The following FBN2 variants were observed in gnomAD, a reference collection of about 807,000 sequenced individuals.
FBN2 encodes fibrillin 2.
Under a neutral mutation model 355.6 loss-of-function variants are expected in FBN2, and 105 were observed. The ratio of observed to expected loss-of-function variants is 0.30; its 90% CI spans 0.25 to 0.35. The LOEUF (loss-of-function observed/expected upper bound fraction) is 0.35. Among genes scored for constraint, FBN2 ranks in the 10% least tolerant of loss-of-function variants. The pLI is 1.00. For synonymous variants in FBN2, 1,350 were observed against 1,301.2 expected (o/e 1.04, Z -0.81); for missense variants, 3,280 against 3,758.7 (o/e 0.87, Z 3.33).
intron 21 of FBN2, 132 bp from the exon 22 acceptor site, chr5:128,350,137 A>T: frequency 1.3e-6 from 1 of 751,836 alleles, no homozygotes; most frequent in African/African-American, 1.7e-5. Context: ...GGGTCCAAGG[A>T]CATCATTGTC....
intron 5 of FBN2, among the ~76,000 whole-genome samples, chr5:128,479,790 G>A (rs1201897972): frequency 1.3e-5 from 2 of 151,374 alleles, no homozygotes; most frequent in Non-Finnish European, 2.9e-5. Context: ...AACTGGGCAT[G>A]GTAGAATGTG....
At chr5:128,354,021 T>G (rs1473768170) in intron 20 of FBN2, among the ~76,000 whole-genome samples, 1 of 152,088 alleles carries the variant, frequency 6.6e-6, no homozygotes, top group Non-Finnish European at 1.5e-5. Flanking sequence ...CACTGTTGTG[T>G]GTGTATGCCC....
rs1765234993 is a variant in FBN2 at position 128,270,334 on chromosome 5, C to T, written c.7960+1665G>A. Among the ~76,000 whole-genome samples, 4 of 151,974 alleles carry T rather than the reference C, an allele frequency of 2.6e-5. No individual in the cohort carries two copies. The South Asian group carries it at 6.2e-4, about 24-fold the overall frequency. ...CTGAGGTCAGGAGTTCAAGACCAGC[C>T]TTGGCCAACATGGTGAAACCCCGTT... is the stretch of plus-strand genomic sequence containing the variant. On this transcript the variant is annotated intron_variant, in intron 62 of 64. Transcript: ENST00000262464.
chr5:128,278,962 CTTAA>C, intron 56 of FBN2, 121 bp from the exon 57 acceptor site: 1 of 793,320 alleles, frequency 1.3e-6, no homozygotes, highest in African/African-American at 1.7e-5. Flanking sequence ...AGCTTAATGT[CTTAA>C]TTATTTAAGT....
intron 5 of FBN2, among the ~76,000 whole-genome samples, chr5:128,486,046 GT>G (rs1437074167): frequency 1.3e-5 from 2 of 151,670 alleles, no homozygotes; most frequent in Non-Finnish European, 2.9e-5. Flanking sequence ...ATTTCTCAGA[GT>G]TTAACTGCAA....
chr5:128,274,877 G>C (rs1255337843), intron 59 of FBN2, among the ~76,000 whole-genome samples, 194 bp from the exon 60 acceptor site: 1 of 152,172 alleles, frequency 6.6e-6, no homozygotes, highest in Non-Finnish European at 1.5e-5. Flanking sequence ...AATATTACGG[G>C]CTAGGATGAT....
intron 7 of FBN2, among the ~76,000 whole-genome samples, chr5:128,412,815 G>A (rs1414872539): frequency 6.6e-6 from 1 of 152,176 alleles, no homozygotes; most frequent in Non-Finnish European, 1.5e-5. Context: ...CAATATTTTA[G>A]AAAGATAGTC....
At chr5:128,368,345 A>G (rs1751827390) in intron 16 of FBN2, among the ~76,000 whole-genome samples, 1 of 151,030 alleles carries the variant, frequency 6.6e-6, no homozygotes, top group Non-Finnish European at 1.5e-5. Flanking sequence ...CTATTGCCTG[A>G]GACTGTGACT....
chr5:128,417,968 T>G (rs1437997561), intron 7 of FBN2, among the ~76,000 whole-genome samples: 2 of 152,106 alleles, frequency 1.3e-5, no homozygotes, highest in East Asian at 1.9e-4. Flanking sequence ...GGCTTTTCTT[T>G]GTTGGGAGAT....
chr5:128,441,345 C>T (rs181407136), intron 7 of FBN2, among the ~76,000 whole-genome samples: 11 of 152,276 alleles, frequency 7.2e-5, no homozygotes, highest in African/African-American at 2.2e-4. Flanking sequence ...GGATGTGTGC[C>T]GCCTGGTCAT....
intron 53 of FBN2, 134 bp downstream of exon 53, chr5:128,288,304 A>T: frequency 9.9e-7 from 1 of 1,005,078 alleles, no homozygotes; most frequent in South Asian, 1.5e-5. Context: ...CAACCAAACA[A>T]AAAACCCAAA....
At chr5:128,390,905 G>C (rs530538018) in intron 11 of FBN2, among the ~76,000 whole-genome samples, 1 of 152,176 alleles carries the variant, frequency 6.6e-6, no homozygotes, top group South Asian at 2.1e-4. Flanking sequence ...CTGTATGCTT[G>C]ATTGTTTCTC....
chr5:128,536,561 G>T, intron 1 of FBN2, 77 bp from the exon 2 acceptor site: 2 of 969,140 alleles, frequency 2.1e-6, no homozygotes, highest in Non-Finnish European at 3.3e-6. Flanking sequence ...CGTAAGCAAT[G>T]CCCCGAGCGA....
At chr5:128,349,227 A>G in intron 23 of FBN2, 120 bp downstream of exon 23, 1 of 1,129,544 alleles carries the variant, frequency 8.9e-7, no homozygotes, top group South Asian at 1.3e-5. Flanking sequence ...CCCCCTAAAT[A>G]TCTCATTTAA....
chr5:128,290,361 T>A (rs189949206), intron 50 of FBN2, among the ~76,000 whole-genome samples: 48 of 152,334 alleles, frequency 3.2e-4, no homozygotes, highest in African/African-American at 1.1e-3. Flanking sequence ...CAGAATTTAA[T>A]GTAACATTCT....
chr5:128,298,659 A>G (rs1749609253), intron 48 of FBN2, among the ~76,000 whole-genome samples: 2 of 152,208 alleles, frequency 1.3e-5, no homozygotes, highest in South Asian at 4.1e-4. Flanking sequence ...TTCTTCACGT[A>G]GTTCTCGAGC....
rs1332608555 is a variant in FBN2 at position 128,298,115 on chromosome 5, T to C, written c.6166+2702A>G. The stretch of plus-strand genomic sequence containing the variant: ...TTATGAAGCTTAGTTTGGCTGGATA[T>C]GAAATTCTGGGTTGAAAATTCTTTT... On this transcript the variant is annotated intron_variant, in intron 48 of 64. Transcript: ENST00000262464. Among the ~76,000 whole-genome samples, 3 of 151,712 alleles carry C rather than the reference T, an allele frequency of 2.0e-5. No homozygotes were observed. In the East Asian group the frequency reaches 5.8e-4, roughly 29 times the overall value.
intron 15 of FBN2, 145 bp from the exon 16 acceptor site, chr5:128,369,479 T>C (rs947282215): frequency 2.7e-6 from 2 of 729,918 alleles, no homozygotes; most frequent in Non-Finnish European, 4.6e-6. Context: ...CTTTAGCATC[T>C]AATAGTGTTA....
At chr5:128,377,170 A>G (rs1230025700) in intron 13 of FBN2, among the ~76,000 whole-genome samples, 1 of 152,192 alleles carries the variant, frequency 6.6e-6, no homozygotes, top group Non-Finnish European at 1.5e-5. Context: ...ATTTTATAAG[A>G]AAATAAGGCA....
Sources: allele counts gnomAD v4.1 joint callset (sites outside exome capture counted in the v4.1 genomes callset), GRCh38; gene constraint gnomAD v4.1.1; transcripts MANE v1.5; gene names NCBI Gene and HGNC (gene_info 2026-07-23, HGNC 2026-07-21).